ZNRF3: variants seen among roughly 807,000 people sequenced by gnomAD.
The protein encoded by ZNRF3 is zinc and ring finger 3.
Under a neutral mutation model 72.5 loss-of-function variants are expected in ZNRF3, and 23 were observed. The observed-to-expected ratio is 0.32, with a 90% CI of 0.23 to 0.45. ZNRF3 has a LOEUF of 0.45. Ranked by LOEUF, ZNRF3 falls within the 20% of genes least tolerant of loss-of-function variation. The pLI, the probability that ZNRF3 is intolerant of heterozygous loss-of-function variation, is 1.00. For synonymous variants in ZNRF3, 610 were observed against 545.3 expected, an observed-to-expected ratio of 1.12 and a Z score of -1.65; for missense variants, 1,169 against 1,272.1, an observed-to-expected ratio of 0.92 and a Z score of 1.23.
rs553300044 is a variant in ZNRF3, at chr22:28,973,953, CTTTTTTTTT to C, written c.301-13109_301-13101del. Among the ~76,000 whole-genome samples, 33 of 111,494 alleles carry C rather than the reference CTTTTTTTTT, an allele frequency of 3.0e-4. 1 individual carries two copies. In the South Asian group the frequency reaches 9.3e-3, roughly 32 times the overall value. The allele number at this position is 111,494 out of a possible 152,430, so 73.1% of individuals were successfully genotyped here. A position where few individuals can be genotyped will look rare whatever the true frequency, so the allele number is the denominator to read the frequency against. On this transcript the variant is annotated intron_variant, in intron 1 of 8. Transcript: ENST00000544604. ...GAAAGGAATGCATCTCTCTCTCTCTCTTTTTTTTTTTTTTTTTTTTTTGAGACGGAGTCT... is the reference window on the plus strand; with the variant it reads ...GAAAGGAATGCATCTCTCTCTCTCTCTTTTTTTTTTTTTGAGACGGAGTCT...
rs1218908051 is a variant in ZNRF3 at position 28,923,896 on chromosome 22, TG to T, written c.300+39834del. 3.9e-5 allele frequency among the ~76,000 whole-genome samples: 6 copies of T among 152,224 alleles called. 1 individual carries two copies. The highest frequency in any genetic ancestry group is 1.4e-4 in the African/African-American group (6 of 41,532). ...GGCTGGGTCTGGGGTGGAGCCCAAG[TG>T]GGGTGGGGGACCGAGCGGGCGAGGC... On this transcript the variant is annotated intron_variant, in intron 1 of 8. Transcript: ENST00000544604.
chr22:28,903,595 T>C (rs2034150842), intron 1 of ZNRF3, among the ~76,000 whole-genome samples: 1 of 152,006 alleles, frequency 6.6e-6, no homozygotes, highest in African/African-American at 2.4e-5. Context: ...CCTGAACCCC[T>C]CCTCCAGCAA....
chr22:29,049,249 T>C lies in ZNRF3; in HGVS notation c.1068T>C (p.Arg356=). The C allele has an allele frequency of 6.2e-7, 1 of 1,613,236 alleles. No homozygotes were observed. The highest frequency in any genetic ancestry group is 8.5e-7 in the Non-Finnish European group (1 of 1,179,564). ...GTGTGGAGACCAGCAACCTCTCACG[T>C]GGTCGGCAGCAGAGGGTGACCCTGC... ...AVCVETSNLS[R]GRQQRVTLPV... is the part of the protein sequence containing the mutation. Residue 356 remains arginine, a synonymous_variant, in exon 8 of 9, where the codon CGT becomes CGC. Transcript: ENST00000544604. This position sits in a 1 kb window ranked among gnomAD's most constrained non-coding sequence, Gnocchi z 5.2.
At chr22:28,918,646 C>A (rs762289976) in intron 1 of ZNRF3, among the ~76,000 whole-genome samples, 5 of 151,792 alleles carry the variant, frequency 3.3e-5, no homozygotes, top group Non-Finnish European at 7.4e-5. Flanking sequence ...ACCAAGCTTG[C>A]CTGGTGGCTG....
At chr22:29,006,437 C>G (rs555806276) in intron 2 of ZNRF3, among the ~76,000 whole-genome samples, 1 of 152,102 alleles carries the variant, frequency 6.6e-6, no homozygotes, top group African/African-American at 2.4e-5. Flanking sequence ...GTCTCGAACT[C>G]CTGACCTCAG....
At chr22:29,025,474 T>C (rs536409242) in intron 2 of ZNRF3, 1 of 152,200 alleles carries the variant, frequency 6.6e-6, no homozygotes, top group East Asian at 1.9e-4. Flanking sequence ...ATTGCAGAAG[T>C]GTATTGAGCA....
At chr22:29,031,781 C>T (rs1049683211) in intron 2 of ZNRF3, 1 of 235,138 alleles carries the variant, frequency 4.3e-6, no homozygotes. Context: ...TGGGTGCTCT[C>T]CATCGTGTTA....
chr22:28,894,238 G>A (rs896858362), intron 1 of ZNRF3, among the ~76,000 whole-genome samples: 11 of 151,806 alleles, frequency 7.2e-5, no homozygotes, highest in African/African-American at 1.2e-4. Flanking sequence ...GACTATAGGC[G>A]TGAGCCACTG....
intron 1 of ZNRF3, among the ~76,000 whole-genome samples, chr22:28,901,788 G>A (rs1480585526): frequency 1.3e-5 from 2 of 151,682 alleles, no homozygotes; most frequent in African/African-American, 2.4e-5. Context: ...TTACACGTGC[G>A]CAATACCACG....
intron 1 of ZNRF3, among the ~76,000 whole-genome samples, chr22:28,983,247 T>C (rs1018934985): frequency 6.6e-6 from 1 of 151,520 alleles, no homozygotes; most frequent in African/African-American, 2.4e-5. Flanking sequence ...TGGAGGAGAG[T>C]GGGAAGGAAT....
intron 1 of ZNRF3, among the ~76,000 whole-genome samples, chr22:28,927,003 C>G (rs2034615026): frequency 6.6e-6 from 1 of 151,072 alleles, no homozygotes; most frequent in South Asian, 2.1e-4. Context: ...GCCTGTAGTC[C>G]CAGCTACTCA....
chr22:28,969,315 C>A (rs2035529592), intron 1 of ZNRF3, among the ~76,000 whole-genome samples: 1 of 152,082 alleles, frequency 6.6e-6, no homozygotes, highest in South Asian at 2.1e-4. Context: ...TCTTTTTTTC[C>A]CCCGTAGATA....
At chr22:28,935,331 C>T (rs1011558919) in intron 1 of ZNRF3, among the ~76,000 whole-genome samples, 7 of 152,196 alleles carry the variant, frequency 4.6e-5, no homozygotes, top group Non-Finnish European at 7.3e-5. Flanking sequence ...GTCACATGAT[C>T]CACTCTGGCC....
At chr22:29,007,719 A>G (rs1418764572) in intron 2 of ZNRF3, among the ~76,000 whole-genome samples, 1 of 136,728 alleles carries the variant, frequency 7.3e-6, no homozygotes, top group Non-Finnish European at 1.6e-5. Context: ...TTCTTTTATC[A>G]GTTTGCCCCT....
intron 1 of ZNRF3, among the ~76,000 whole-genome samples, chr22:28,972,954 T>C (rs981742169): frequency 6.6e-6 from 1 of 152,206 alleles, no homozygotes; most frequent in African/African-American, 2.4e-5. Context: ...TTCGCATACA[T>C]TTTCTTCTGT....
At chr22:29,037,487 A>G (rs1410623624) in intron 2 of ZNRF3, among the ~76,000 whole-genome samples, 1 of 152,208 alleles carries the variant, frequency 6.6e-6, no homozygotes, top group Non-Finnish European at 1.5e-5. Context: ...ACCAGTAGTA[A>G]CCCGAGTATG....
intron 1 of ZNRF3, among the ~76,000 whole-genome samples, chr22:28,935,386 C>T (rs907744378): frequency 1.3e-5 from 2 of 152,204 alleles, no homozygotes; most frequent in Admixed American, 6.5e-5. Flanking sequence ...GAAGCCTACT[C>T]GTTGTCAGGT....
At chr22:28,893,100 G>A (rs891743526) in intron 1 of ZNRF3, among the ~76,000 whole-genome samples, 2 of 151,904 alleles carry the variant, frequency 1.3e-5, no homozygotes, top group African/African-American at 4.8e-5. Context: ...CCGGCAGGTG[G>A]AGCTTGCAGT....
At chr22:28,951,131 A>G (rs1220407316) in intron 1 of ZNRF3, among the ~76,000 whole-genome samples, 1 of 152,220 alleles carries the variant, frequency 6.6e-6, no homozygotes, top group Non-Finnish European at 1.5e-5. Context: ...AGTGTGAAAG[A>G]GATACTGAAG....
Sources: allele counts gnomAD v4.1 joint callset (sites outside exome capture counted in the v4.1 genomes callset), GRCh38; gene constraint gnomAD v4.1.1; non-coding constraint Gnocchi (gnomAD v3.1); transcripts MANE v1.5; gene names NCBI Gene and HGNC (gene_info 2026-07-23, HGNC 2026-07-21).